CDH12: variants seen among roughly 807,000 people sequenced by gnomAD.
The protein encoded by CDH12 is cadherin 12, also known as cadherin-12.
Under a neutral mutation model 74.1 loss-of-function variants are expected in CDH12, and 41 were observed. That is an observed-to-expected ratio of 0.55 (90% CI 0.43 to 0.72). The LOEUF (loss-of-function observed/expected upper bound fraction) is 0.72, where lower values mean the gene tolerates loss of function less well. Ranked by LOEUF, CDH12 falls within the 30% of genes least tolerant of loss-of-function variation. The pLI is 0.00. For synonymous variants in CDH12, 399 were observed against 355.0 expected (o/e 1.12, Z -1.39); for missense variants, 945 against 977.2 (o/e 0.97, Z 0.44).
chr5:22,641,048 G>A (rs1185560357), intron 1 of CDH12, among the ~76,000 whole-genome samples: 1 of 152,150 alleles, frequency 6.6e-6, no homozygotes, highest in African/African-American at 2.4e-5. Flanking sequence ...TAGAGAGATT[G>A]ACCAATACGA....
chr5:21,810,582 T>C (rs1004482944), intron 9 of CDH12, among the ~76,000 whole-genome samples: 2 of 152,158 alleles, frequency 1.3e-5, no homozygotes, highest in African/African-American at 4.8e-5. Flanking sequence ...GTCTATGGCA[T>C]GTGCAGTTAG....
intron 1 of CDH12, among the ~76,000 whole-genome samples, chr5:22,693,305 C>T (rs952226225): frequency 2.0e-5 from 3 of 152,190 alleles, no homozygotes; most frequent in African/African-American, 4.8e-5. Flanking sequence ...GTGCTAAGTG[C>T]GGGGTAGACA....
intron 1 of CDH12, among the ~76,000 whole-genome samples, chr5:22,841,802 G>A (rs548312250): frequency 7.2e-5 from 11 of 152,276 alleles, no homozygotes; most frequent in Admixed American, 2.6e-4. Flanking sequence ...TATACAAAGA[G>A]TAGTCTACAC....
chr5:21,771,382 T>C (rs1561170366), intron 11 of CDH12, among the ~76,000 whole-genome samples: 1 of 152,182 alleles, frequency 6.6e-6, no homozygotes, highest in African/African-American at 2.4e-5. Context: ...TCTCTTTAGT[T>C]CAGTTATGTT....
chr5:22,157,686 C>A (rs1244065740), intron 4 of CDH12, among the ~76,000 whole-genome samples: 22 of 151,854 alleles, frequency 1.4e-4, no homozygotes, highest in Non-Finnish European at 2.7e-4. Flanking sequence ...TAATGCCTGG[C>A]ATATATTTTC....
intron 7 of CDH12, 132 bp downstream of exon 7, chr5:21,854,539 T>G (rs1184928356): frequency 1.8e-6 from 1 of 568,562 alleles, no homozygotes; most frequent in Non-Finnish European, 3.0e-6. Context: ...AGATCCCATC[T>G]TCTTTGCTTA....
At chr5:22,698,701 ATATATATAT>A (rs1256743751) in intron 1 of CDH12, among the ~76,000 whole-genome samples, 3 of 12,960 alleles carry the variant, frequency 2.3e-4, no homozygotes, top group Non-Finnish European at 4.0e-4. Flanking sequence ...ATATATATAT[ATATATATAT>A]ATATATATAT....
intron 4 of CDH12, among the ~76,000 whole-genome samples, chr5:22,102,835 T>A (rs1253108670): frequency 1.3e-5 from 2 of 152,156 alleles, no homozygotes; most frequent in Non-Finnish European, 2.9e-5. Context: ...TCTCTCTCCC[T>A]ACCCTCTTCA....
intron 1 of CDH12, among the ~76,000 whole-genome samples, chr5:22,837,934 C>A (rs116289011): frequency 6.6e-6 from 1 of 152,096 alleles, no homozygotes; most frequent in African/African-American, 2.4e-5. Flanking sequence ...TTTGGTGAAA[C>A]GGGTAGCATA....
At chr5:21,961,943 T>C (rs1472547981) in intron 6 of CDH12, among the ~76,000 whole-genome samples, 2 of 152,194 alleles carry the variant, frequency 1.3e-5, no homozygotes, top group Admixed American at 1.3e-4. Flanking sequence ...TTGCCTACTA[T>C]TTTCTTATTT....
chr5:21,879,386 C>A (rs953475469), intron 6 of CDH12, among the ~76,000 whole-genome samples: 3 of 152,168 alleles, frequency 2.0e-5, no homozygotes, highest in Admixed American at 1.3e-4. Flanking sequence ...CTACAGGGAA[C>A]AGTGAACTTA....
At chr5:22,344,852 A>G (rs1740041219) in intron 3 of CDH12, among the ~76,000 whole-genome samples, 1 of 152,212 alleles carries the variant, frequency 6.6e-6, no homozygotes, top group South Asian at 2.1e-4. Context: ...ACCTCATCTC[A>G]TAATAGAGAA....
At chr5:22,363,826 G>A (rs1740921766) in intron 3 of CDH12, among the ~76,000 whole-genome samples, 1 of 152,192 alleles carries the variant, frequency 6.6e-6, no homozygotes, top group African/African-American at 2.4e-5. Flanking sequence ...TTCAGTTAAA[G>A]CACATAAAAC....
At chr5:22,220,053 T>C (rs191269164) in intron 3 of CDH12, among the ~76,000 whole-genome samples, 1 of 151,944 alleles carries the variant, frequency 6.6e-6, no homozygotes, top group East Asian at 1.9e-4. Flanking sequence ...GTCTACATCA[T>C]GAATCCGTAA....
intron 1 of CDH12, among the ~76,000 whole-genome samples, chr5:22,771,745 T>C (rs1266945677): frequency 2.6e-5 from 4 of 152,102 alleles, no homozygotes; most frequent in African/African-American, 9.7e-5. Flanking sequence ...ACAAAATATG[T>C]CTATGTCCTT....
chr5:22,698,122 C>CTTTTTTTTTTTTTTTT (rs10677695), intron 1 of CDH12, among the ~76,000 whole-genome samples: 1 of 91,200 alleles, frequency 1.1e-5, no homozygotes, highest in Non-Finnish European at 2.0e-5. Context: ...AAAGGCAGGG[C>CTTTTTTTTTTTTTTTT]TTTTTTTTTT....
Position 22,395,680 on chromosome 5 carries a change from A to G in CDH12, c.-333+9577T>C, listed in dbSNP as rs550747183. Among the ~76,000 whole-genome samples the G allele has an allele frequency of 3.9e-5, 6 of 152,212 alleles. No homozygotes were observed. In the East Asian group the frequency reaches 1.2e-3, roughly 29 times the overall value. ...AGAAATGTCATGTAGGCAGTTTGAT[A>G]TTTGGGTCTGAAGACTAGTGGAAAT... On this transcript the variant is annotated intron_variant, in intron 3 of 14. Transcript: ENST00000382254.
chr5:22,311,802 C>T (rs1738405419), intron 3 of CDH12, among the ~76,000 whole-genome samples: 1 of 151,644 alleles, frequency 6.6e-6, no homozygotes, highest in Non-Finnish European at 1.5e-5. Flanking sequence ...ACTTATGTCT[C>T]TCTGGGCCTG....
At chr5:22,039,463 G>C (rs1739421877) in intron 5 of CDH12, among the ~76,000 whole-genome samples, 1 of 152,090 alleles carries the variant, frequency 6.6e-6, no homozygotes, top group East Asian at 1.9e-4. Flanking sequence ...AAGACCCTGA[G>C]ACTAAGACCC....
Sources: gnomAD v4.1 joint callset for allele counts (sites outside exome capture counted in the v4.1 genomes callset) on GRCh38, gnomAD v4.1.1 for gene constraint, MANE v1.5 for transcripts, NCBI Gene and HGNC (gene_info 2026-07-23, HGNC 2026-07-21) for gene names.